Variants in TMOD1 observed in about 807,000 individuals in gnomAD.
TMOD1 encodes the protein tropomodulin 1.
A neutral mutation model predicts 40.6 loss-of-function variants in TMOD1; 17 were observed. The observed-to-expected ratio is 0.42, with a 90% confidence interval of 0.29 to 0.63. TMOD1 has a LOEUF of 0.63. TMOD1 is among the 20% of genes least tolerant of loss of function. The probability of loss-of-function intolerance (pLI) is 0.22; values close to 1 mark genes in which losing one functional copy is unlikely to be tolerated. For synonymous variants in TMOD1, 181 were observed against 175.0 expected (o/e 1.03, Z -0.27); for missense variants, 391 against 447.6 (o/e 0.87, Z 1.14).
intron 9 of TMOD1, among the ~76,000 whole-genome samples, chr9:97,592,429 GA>G (rs10710591): frequency 0.49 from 72,106 of 146,328 alleles, 17,588 homozygotes; most frequent in African/African-American, 0.59. Context: ...TAATGAGTTT[GA>G]AAAAAAAAAA....
intron 2 of TMOD1, among the ~76,000 whole-genome samples, chr9:97,545,620 C>T (rs16921719): frequency 0.033 from 5,025 of 152,312 alleles, 280 homozygotes; most frequent in African/African-American, 0.11. Context: ...CCCCGTCCTC[C>T]TCTTAGCTCT....
chr9:97,580,617 A>C (rs1169958560), intron 8 of TMOD1, among the ~76,000 whole-genome samples: 1 of 151,844 alleles, frequency 6.6e-6, no homozygotes, highest in Non-Finnish European at 1.5e-5. Context: ...GAAAAGAAAG[A>C]AAGAGAGGAA....
chr9:97,549,662 G>A (rs1830417928), intron 3 of TMOD1, among the ~76,000 whole-genome samples: 1 of 152,124 alleles, frequency 6.6e-6, no homozygotes, highest in Non-Finnish European at 1.5e-5. Flanking sequence ...GCTGTAAACA[G>A]TTTACACAAT....
At chr9:97,528,975 G>A (rs1247075197) in intron 2 of TMOD1, among the ~76,000 whole-genome samples, 2 of 152,208 alleles carry the variant, frequency 1.3e-5, no homozygotes, top group African/African-American at 4.8e-5. Context: ...GGAGGCAGGC[G>A]CTGTTATCAT....
At chr9:97,533,191 GC>G (rs1349471005) in intron 2 of TMOD1, among the ~76,000 whole-genome samples, 1 of 152,210 alleles carries the variant, frequency 6.6e-6, no homozygotes, top group Non-Finnish European at 1.5e-5. Context: ...CTTTTAATTG[GC>G]CTGTAGGCCT....
intron 8 of TMOD1, among the ~76,000 whole-genome samples, chr9:97,581,610 A>AACT (rs1396921065): frequency 3.8e-4 from 57 of 150,128 alleles, no homozygotes; most frequent in African/African-American, 1.3e-3. Context: ...CAGTCCCACC[A>AACT]ACAGTGTAAA....
intron 3 of TMOD1, among the ~76,000 whole-genome samples, chr9:97,550,992 TTATA>T (rs1172274297): frequency 2.6e-4 from 25 of 96,372 alleles, no homozygotes; most frequent in South Asian, 1.8e-3. Context: ...TCTAAGAATT[TTATA>T]TATATATATA....
intron 8 of TMOD1, among the ~76,000 whole-genome samples, chr9:97,573,350 T>C (rs2131273729): frequency 6.6e-6 from 1 of 152,354 alleles, no homozygotes; most frequent in South Asian, 2.1e-4. Context: ...GATTCCCCAC[T>C]TTTTATTCCA....
chr9:97,533,269 T>C (rs1830130196), intron 2 of TMOD1, among the ~76,000 whole-genome samples: 2 of 152,360 alleles, frequency 1.3e-5, no homozygotes, highest in South Asian at 4.1e-4. Context: ...AATAGACACA[T>C]ACACAAACAT....
chr9:97,553,809 T>C (rs1830490129), intron 4 of TMOD1, among the ~76,000 whole-genome samples: 1 of 152,226 alleles, frequency 6.6e-6, no homozygotes, highest in South Asian at 2.1e-4. Flanking sequence ...TTTACAACTT[T>C]GCACTTTGCC....
At chr9:97,532,338 G>T (rs1830115222) in intron 2 of TMOD1, among the ~76,000 whole-genome samples, 1 of 152,006 alleles carries the variant, frequency 6.6e-6, no homozygotes, top group Non-Finnish European at 1.5e-5. Context: ...CCCTCCTCTG[G>T]CTGGGGAACC....
chr9:97,560,666 A>ATTTTTTT (rs1830624489), intron 4 of TMOD1, among the ~76,000 whole-genome samples: 1 of 102,390 alleles, frequency 9.8e-6, no homozygotes, highest in Non-Finnish European at 2.1e-5. Context: ...TATTTTTTGT[A>ATTTTTTT]TTGTATATAT....
chr9:97,600,923 G>A lies in TMOD1; in HGVS notation c.*1225G>A. On this transcript the variant is annotated 3_prime_UTR_variant, in exon 10 of 10. Coordinates refer to ENST00000259365, the MANE Select transcript of TMOD1 (RefSeq NM_003275.4). The stretch of plus-strand genomic sequence containing the variant: ...AGTTAAACTAATATTTTTGTTTGTT[G>A]CTTTTGGGAGTTATTTTCATTAGTG... The A allele has an allele frequency of 8.7e-7, 1 of 1,154,320 alleles. No individual in the cohort carries two copies. Among genetic ancestry groups the A allele is most frequent in the Non-Finnish European group, 1.1e-6 (1 of 915,660 alleles). The allele number at this position is 1,154,320 out of a possible 1,614,324, so 71.5% of individuals were successfully genotyped here. A position where few individuals can be genotyped will look rare whatever the true frequency, so the allele number is the denominator to read the frequency against.
intron 3 of TMOD1, among the ~76,000 whole-genome samples, chr9:97,547,030 A>G (rs1830373144): frequency 6.6e-6 from 1 of 150,922 alleles, no homozygotes; most frequent in African/African-American, 2.4e-5. Flanking sequence ...ATCTCCACCC[A>G]GATTCTCTCT....
intron 2 of TMOD1, among the ~76,000 whole-genome samples, chr9:97,526,556 A>G (rs1564232526): frequency 6.6e-6 from 1 of 152,244 alleles, no homozygotes; most frequent in Non-Finnish European, 1.5e-5. Context: ...TTAATTAAAA[A>G]TGGAATGTAT....
intron 1 of TMOD1, among the ~76,000 whole-genome samples, chr9:97,521,427 C>T (rs1218214317): frequency 1.3e-5 from 2 of 152,190 alleles, no homozygotes; most frequent in African/African-American, 4.8e-5. Context: ...CTGGACATCT[C>T]TGTGAGTTGG....
chr9:97,587,384 GTGT>G (rs1370749006), intron 8 of TMOD1, among the ~76,000 whole-genome samples: 2 of 152,130 alleles, frequency 1.3e-5, no homozygotes, highest in Admixed American at 6.5e-5. Context: ...CCAACGTTTG[GTGT>G]TGTTGCTAAT....
At chr9:97,594,455 T>C (rs1320005460) in intron 9 of TMOD1, among the ~76,000 whole-genome samples, 7 of 152,194 alleles carry the variant, frequency 4.6e-5, no homozygotes, top group Non-Finnish European at 1.0e-4. Context: ...TGCCAGCTCC[T>C]CCTCGGGACT....
chr9:97,536,708 G>A (rs564312402), intron 2 of TMOD1, among the ~76,000 whole-genome samples: 2 of 152,196 alleles, frequency 1.3e-5, no homozygotes, highest in East Asian at 3.9e-4. Context: ...GACTTCAAGT[G>A]AGGCCCCTCC....
Sources: gnomAD v4.1 joint callset for allele counts (sites outside exome capture counted in the v4.1 genomes callset) on GRCh38, gnomAD v4.1.1 for gene constraint, MANE v1.5 for transcripts, NCBI Gene and HGNC (gene_info 2026-07-23, HGNC 2026-07-21) for gene names.